Variants in ZNF547 observed in about 807,000 individuals in gnomAD.
ZNF547 encodes the protein zinc finger protein 547.
ZNF547 carries 4 observed loss-of-function variants against 7.7 expected under a neutral mutation model. The ratio of observed to expected loss-of-function variants is 0.52; its 90% confidence interval spans 0.26 to 1.20. The LOEUF is 1.20. Ranked by LOEUF, ZNF547 falls within the 50% of genes most tolerant of loss-of-function variation. The pLI is 0.14. For missense variants in ZNF547, 449 were observed against 485.8 expected (o/e 0.92, Z 0.71); for synonymous variants, 166 against 166.2 (o/e 1.00, Z 0.01).
chr19:57,371,259 A>G (rs970459382), intron 2 of ZNF547, among the ~76,000 whole-genome samples: 1 of 152,132 alleles, frequency 6.6e-6, no homozygotes, highest in Admixed American at 6.5e-5. Flanking sequence ...GCCCCCATGG[A>G]GTTTTAATTT....
chr19:57,366,465 C>G (rs1204295125), intron 1 of ZNF547, among the ~76,000 whole-genome samples: 3 of 152,166 alleles, frequency 2.0e-5, no homozygotes, highest in South Asian at 4.2e-4. Context: ...CTGCCTCGGC[C>G]TCCCGGAGTG....
intron 1 of ZNF547, chr19:57,364,985 A>T (rs2088454333): frequency 1.2e-6 from 2 of 1,613,066 alleles, no homozygotes; most frequent in African/African-American, 2.7e-5. Flanking sequence ...CTCGTAGATG[A>T]GAACATGTGG....
At chr19:57,364,433 G>T in intron 1 of ZNF547, 1 of 293,470 alleles carries the variant, frequency 3.4e-6, no homozygotes, top group East Asian at 8.7e-5. Context: ...AGGAGAACTG[G>T]TGTAGATTCT....
rs1156680865 is a variant in ZNF547, at chr19:57,368,586, G to A, written c.24+7G>A. On this transcript the variant is annotated splice_region_variant and intron_variant, in intron 2 of 3. Coordinates refer to ENST00000282282, the MANE Select transcript of ZNF547 (RefSeq NM_173631.4). ...AGAAATGAACCCTGCACAGGTGAGT[G>A]GAGTGTTTTCTACCTTTCACCTACC... The A allele has an allele frequency of 1.2e-6, 2 of 1,613,868 alleles. No individual in the cohort carries two copies. The highest frequency in any genetic ancestry group is 1.3e-5 in the African/African-American group (1 of 74,886).
chr19:57,368,702 A>G, intron 2 of ZNF547, 123 bp downstream of exon 2: 1 of 922,134 alleles, frequency 1.1e-6, no homozygotes, highest in Non-Finnish European at 1.7e-6. Flanking sequence ...CTTATGTCTG[A>G]AAAGTGAGTG....
At chr19:57,370,766 C>T in intron 2 of ZNF547, among the ~76,000 whole-genome samples, 1 of 152,136 alleles carries the variant, frequency 6.6e-6, no homozygotes, top group Non-Finnish European at 1.5e-5. Flanking sequence ...TATCTTCCAT[C>T]TGTTTCCTCT....
intron 2 of ZNF547, 51 bp downstream of exon 2, chr19:57,368,630 T>A: frequency 6.3e-7 from 1 of 1,583,156 alleles, no homozygotes; most frequent in Non-Finnish European, 8.7e-7. Context: ...CATAGATGGT[T>A]TTGGCACCTC....
At chr19:57,365,149 T>C in intron 1 of ZNF547, 1 of 1,598,122 alleles carries the variant, frequency 6.3e-7, no homozygotes, top group Non-Finnish European at 8.5e-7. Flanking sequence ...TTATGATTTA[T>C]ATATAAAATT....
rs369449166 is a variant in ZNF547 at position 57,376,921 on chromosome 19, C to T, written c.152-207C>T. Among the ~76,000 whole-genome samples, 8 of 152,276 alleles carry T rather than the reference C, an allele frequency of 5.3e-5. No individual in the cohort carries two copies. The East Asian group carries it at 9.6e-4, about 18-fold the overall frequency. ...ACTGGCTCTATCAGCTTTTAATCAA[C>T]TTAACCACTCAGTCAGTGCTGAAAC... On this transcript the variant is annotated intron_variant, in intron 3 of 3. Transcript: ENST00000282282.
chr19:57,377,357 G>A lies in ZNF547; in HGVS notation c.381G>A (p.Glu127=). 6.2e-7 allele frequency: 1 copy of A among 1,614,236 alleles called. No individual in the cohort carries two copies. The highest frequency in any genetic ancestry group is 8.5e-7 in the Non-Finnish European group (1 of 1,180,050). Reference sequence around the variant, plus strand: ...CACATCTTCACCAGCACCAAAAGGAGCAGATTAGAGAGAAACTTTCTAGAG... The same window carrying A: ...CACATCTTCACCAGCACCAAAAGGAACAGATTAGAGAGAAACTTTCTAGAG... ...CPAHLHQHQK[E]QIREKLSRGD... Residue 127 remains glutamate, a synonymous_variant, in exon 4 of 4, where the codon GAG becomes GAA. Transcript: ENST00000282282.
intron 3 of ZNF547, among the ~76,000 whole-genome samples, chr19:57,373,915 C>T (rs186940030): frequency 1.9e-3 from 294 of 152,300 alleles, no homozygotes; most frequent in African/African-American, 4.7e-3. Context: ...TTCAGGCACA[C>T]GTTGCAAGCT....
intron 3 of ZNF547, among the ~76,000 whole-genome samples, chr19:57,373,355 C>T (rs142772681): frequency 6.6e-6 from 1 of 152,298 alleles, no homozygotes; most frequent in Non-Finnish European, 1.5e-5. Flanking sequence ...CCACCCTTGA[C>T]ACGTGGGGAT....
In ZNF547 at chr19:57,377,852, A is replaced by G. The variant is rs2088547831; in HGVS notation, c.876A>G (p.Gly292=). 1 of 1,614,138 alleles carries G rather than the reference A, an allele frequency of 6.2e-7. No homozygotes were observed. Among genetic ancestry groups the G allele is most frequent in the Non-Finnish European group, 8.5e-7 (1 of 1,180,014 alleles). ...NLFRHYRIHT[G]KRSYGCSECG... ...TTAGGCATTACAGAATTCATACAGGAAAAAGGTCTTATGGTTGCAGTGAAT... is the reference window on the plus strand; with the variant it reads ...TTAGGCATTACAGAATTCATACAGGGAAAAGGTCTTATGGTTGCAGTGAAT... Residue 292 remains glycine (G), a synonymous_variant, in exon 4 of 4, where the codon GGA becomes GGG. Coordinates refer to ENST00000282282, the MANE Select transcript of ZNF547 (RefSeq NM_173631.4).
intron 1 of ZNF547, among the ~76,000 whole-genome samples, chr19:57,366,836 A>G (rs142365982): frequency 1.3e-5 from 2 of 152,372 alleles, no homozygotes; most frequent in Non-Finnish European, 2.9e-5. Context: ...GACGTTATGC[A>G]TTTAGAGATG....
At chr19:57,366,564 TTTTG>T (rs1406348005) in intron 1 of ZNF547, among the ~76,000 whole-genome samples, 19 of 148,502 alleles carry the variant, frequency 1.3e-4, no homozygotes, top group Non-Finnish European at 2.1e-4. Flanking sequence ...TTTTTTTTTT[TTTTG>T]ACGTGGAGTT....
intron 2 of ZNF547, among the ~76,000 whole-genome samples, chr19:57,369,176 C>G (rs998470128): frequency 6.6e-6 from 1 of 152,186 alleles, no homozygotes; most frequent in African/African-American, 2.4e-5. Flanking sequence ...GATGTTCCTG[C>G]AGCAGTCTAG....
intron 3 of ZNF547, among the ~76,000 whole-genome samples, chr19:57,376,731 C>T (rs573378623): frequency 3.9e-5 from 6 of 152,190 alleles, no homozygotes; most frequent in South Asian, 4.2e-4. Context: ...TAAACTTATT[C>T]GTGGAGGCCT....
chr19:57,369,788 G>T (rs751626131), intron 2 of ZNF547, among the ~76,000 whole-genome samples: 2 of 151,200 alleles, frequency 1.3e-5, no homozygotes, highest in Non-Finnish European at 2.9e-5. Context: ...CTAAGCATCA[G>T]TTGGAATGAG....
chr19:57,368,566 T>G lies in ZNF547; in HGVS notation c.11T>G (p.Met4Arg), dbSNP rs2088485159. 1.2e-6 allele frequency: 2 copies of G among 1,613,988 alleles called. No homozygotes were observed. The highest frequency in any genetic ancestry group is 1.1e-5 in the South Asian group (1 of 91,070). The change falls in exon 2 of 4, where the codon ATG (methionine) becomes AGG (arginine). Residue 4 changes from methionine to arginine, a missense_variant. Coordinates refer to ENST00000282282, the MANE Select transcript of ZNF547 (RefSeq NM_173631.4). MAE[M>R]NPAQGHVVFE... is the part of the protein sequence containing the mutation. ...CAGGGTCCCCTGGCGATGGCAGAAA[T>G]GAACCCTGCACAGGTGAGTGGAGTG...
Sources: allele counts gnomAD v4.1 joint callset (sites outside exome capture counted in the v4.1 genomes callset), GRCh38; gene constraint gnomAD v4.1.1; transcripts MANE v1.5; gene names NCBI Gene and HGNC (gene_info 2026-07-23, HGNC 2026-07-21).